Variants in WDR7 observed in about 807,000 individuals in gnomAD.
WDR7 encodes the protein WD repeat-containing protein 7.
WDR7 carries 46 observed loss-of-function variants against 169.4 expected under a neutral mutation model. The ratio of observed to expected loss-of-function variants is 0.27; its 90% confidence interval spans 0.21 to 0.35. The LOEUF is 0.35. Ranked by LOEUF, WDR7 falls within the 10% of genes least tolerant of loss-of-function variation. The probability of loss-of-function intolerance (pLI) is 1.00; values close to 1 mark genes in which losing one functional copy is unlikely to be tolerated. For missense variants in WDR7, 1,534 were observed against 1,859.3 expected (o/e 0.83, Z 3.22); for synonymous variants, 612 against 666.8 (o/e 0.92, Z 1.27).
chr18:56,885,999 C>A (rs1053476068), intron 21 of WDR7, among the ~76,000 whole-genome samples: 1 of 152,044 alleles, frequency 6.6e-6, no homozygotes, highest in Non-Finnish European at 1.5e-5. Context: ...CTGTTTAAAC[C>A]TAAGAATAAT....
intron 12 of WDR7, among the ~76,000 whole-genome samples, chr18:56,700,252 CTTTTT>C (rs1226348026): frequency 3.0e-5 from 2 of 67,248 alleles, no homozygotes; most frequent in East Asian, 4.8e-4. Flanking sequence ...TTTTCATTTT[CTTTTT>C]TTTTTTTTTT....
At chr18:56,678,214 C>A (rs2025281943) in intron 2 of WDR7, among the ~76,000 whole-genome samples, 1 of 152,156 alleles carries the variant, frequency 6.6e-6, no homozygotes, top group Non-Finnish European at 1.5e-5. Flanking sequence ...AGAATTCAAA[C>A]CCTATTTCGA....
chr18:56,980,722 G>A (rs183565264), intron 26 of WDR7, among the ~76,000 whole-genome samples: 233 of 152,290 alleles, frequency 1.5e-3, no homozygotes, highest in Non-Finnish European at 2.6e-3. Context: ...ATGAGTAAGG[G>A]TTATGGAGAC....
chr18:56,706,414 C>A (rs1032634501), intron 12 of WDR7, among the ~76,000 whole-genome samples: 2 of 152,176 alleles, frequency 1.3e-5, no homozygotes, highest in South Asian at 4.1e-4. Flanking sequence ...GCCTTTAGAA[C>A]CAAACAGACC....
intron 20 of WDR7, among the ~76,000 whole-genome samples, chr18:56,834,608 G>A (rs759217708): frequency 6.6e-6 from 1 of 151,914 alleles, no homozygotes; most frequent in Non-Finnish European, 1.5e-5. Context: ...TCCTTAGAAG[G>A]TGGTACCCAG....
intron 19 of WDR7, 112 bp from the exon 20 acceptor site, chr18:56,815,919 T>A: frequency 1.2e-6 from 1 of 825,080 alleles, no homozygotes; most frequent in South Asian, 1.9e-5. Context: ...ACATATATAT[T>A]TTTTAATGTA....
chr18:56,732,849 G>C (rs1229200403), intron 14 of WDR7, among the ~76,000 whole-genome samples: 3 of 152,122 alleles, frequency 2.0e-5, no homozygotes, highest in South Asian at 2.1e-4. Context: ...TATGTAATTT[G>C]ATTTTGAGCA....
chr18:56,975,757 G>C (rs1256832001), intron 26 of WDR7, among the ~76,000 whole-genome samples: 1 of 152,144 alleles, frequency 6.6e-6, no homozygotes, highest in Non-Finnish European at 1.5e-5. Flanking sequence ...TGGAGACTGT[G>C]GCACACCGGA....
chr18:56,670,767 T>A (rs2025117204), intron 1 of WDR7, among the ~76,000 whole-genome samples: 1 of 152,166 alleles, frequency 6.6e-6, no homozygotes. Flanking sequence ...GACCTTGGCC[T>A]CCCAAAGTGC....
intron 13 of WDR7, among the ~76,000 whole-genome samples, chr18:56,724,908 GT>G (rs1270465009): frequency 6.6e-6 from 1 of 151,966 alleles, no homozygotes; most frequent in Non-Finnish European, 1.5e-5. Context: ...GCGGTGTTTG[GT>G]TTTTTGTCCT....
chr18:56,710,909 G>T (rs1162363170), intron 12 of WDR7, among the ~76,000 whole-genome samples: 2 of 152,218 alleles, frequency 1.3e-5, no homozygotes. Flanking sequence ...ATTTGGCATT[G>T]TAATTTTTAG....
intron 21 of WDR7, among the ~76,000 whole-genome samples, chr18:56,888,886 C>T (rs770035840): frequency 6.6e-6 from 1 of 152,124 alleles, no homozygotes; most frequent in African/African-American, 2.4e-5. Context: ...CAGGATTAGG[C>T]AGAGGGGGAA....
chr18:56,670,533 A>G (rs933781947), intron 1 of WDR7, among the ~76,000 whole-genome samples: 1 of 152,016 alleles, frequency 6.6e-6, no homozygotes, highest in Non-Finnish European at 1.5e-5. Context: ...TATTTTTGAG[A>G]TGAACTCTTG....
rs1229100758 is a variant in WDR7, at chr18:57,029,522, A to G, written c.*2315A>G. On this transcript the variant is annotated 3_prime_UTR_variant, in exon 28 of 28. Coordinates refer to ENST00000254442, the MANE Select transcript of WDR7 (RefSeq NM_015285.3). ...ACTCTGCATTGTCATCCCAGCGTACACCTTTAATGTTTTATTGATTTCACT... is the reference window on the plus strand; with the variant it reads ...ACTCTGCATTGTCATCCCAGCGTACGCCTTTAATGTTTTATTGATTTCACT... The G allele has an allele frequency of 2.0e-5, 3 of 152,040 alleles. No homozygotes were observed. Among genetic ancestry groups the G allele is most frequent in the African/African-American group, 7.2e-5 (3 of 41,396 alleles). The allele number at this position is 152,040 out of a possible 1,614,324, so 9.4% of individuals were successfully genotyped here.
At chr18:56,838,452 G>C (rs78617421) in intron 20 of WDR7, among the ~76,000 whole-genome samples, 2,126 of 152,290 alleles carry the variant, frequency 0.014, 28 homozygotes, top group East Asian at 0.035. Context: ...TCTGCTGATA[G>C]AGTATGGACA....
At chr18:56,939,168 T>C (rs2047001115) in intron 24 of WDR7, 143 bp from the exon 25 acceptor site, 1 of 533,938 alleles carries the variant, frequency 1.9e-6, no homozygotes, top group African/African-American at 2.0e-5. Context: ...TACACATGGC[T>C]TAAATTGCTT....
chr18:56,998,737 A>G (rs1318873673), intron 26 of WDR7, among the ~76,000 whole-genome samples: 1 of 152,222 alleles, frequency 6.6e-6, no homozygotes, highest in East Asian at 1.9e-4. Flanking sequence ...TGTACATAGA[A>G]TGTCATCTTT....
chr18:56,688,697 C>G (rs1263622657), intron 7 of WDR7, among the ~76,000 whole-genome samples: 1 of 151,838 alleles, frequency 6.6e-6, no homozygotes, highest in African/African-American at 2.4e-5. Flanking sequence ...GCACTGCACT[C>G]CAGCCTGGCT....
At chr18:56,828,998 T>C (rs1381006406) in intron 20 of WDR7, among the ~76,000 whole-genome samples, 1 of 151,816 alleles carries the variant, frequency 6.6e-6, no homozygotes, top group Non-Finnish European at 1.5e-5. Context: ...ATCTCATTGT[T>C]TTAGGCAACA....
Sources: allele counts gnomAD v4.1 joint callset (sites outside exome capture counted in the v4.1 genomes callset), GRCh38; gene constraint gnomAD v4.1.1; transcripts MANE v1.5; gene names NCBI Gene and HGNC (gene_info 2026-07-23, HGNC 2026-07-21).